The following SLC17A6 variants were observed in gnomAD, a reference collection of about 807,000 sequenced individuals.
SLC17A6 encodes solute carrier family 17 member 6, also known as vesicular glutamate transporter 2.
In SLC17A6, 35 loss-of-function variants were observed where a neutral mutation model predicts 67.1. That is an observed-to-expected ratio of 0.52 (90% CI 0.40 to 0.69). The LOEUF (loss-of-function observed/expected upper bound fraction) is 0.69, where lower values mean the gene tolerates loss of function less well. Ranked by LOEUF, SLC17A6 falls within the 30% of genes least tolerant of loss-of-function variation. The pLI is 0.00. For synonymous variants in SLC17A6, 285 were observed against 252.3 expected, an observed-to-expected ratio of 1.13 and a Z score of -1.23; for missense variants, 588 against 723.9, an observed-to-expected ratio of 0.81 and a Z score of 2.15.
intron 8 of SLC17A6, among the ~76,000 whole-genome samples, chr11:22,373,111 C>T (rs550980903): frequency 3.3e-5 from 5 of 152,284 alleles, no homozygotes; most frequent in African/African-American, 7.2e-5. Context: ...ATAACCATAG[C>T]TTTGTTCCTT....
intron 5 of SLC17A6, chr11:22,362,209 A>T (rs1856060303): frequency 1.3e-5 from 6 of 450,136 alleles, no homozygotes; most frequent in South Asian, 1.2e-4. Context: ...AAAACGTGAT[A>T]ACTTACCTTG....
Position 22,338,492 on chromosome 11 carries a change from A to T in SLC17A6, c.-42A>T, listed in dbSNP as rs1194837197. 1 of 1,378,042 alleles carries T rather than the reference A, an allele frequency of 7.3e-7. No homozygotes were observed. The highest frequency in any genetic ancestry group is 1.0e-6 in the Non-Finnish European group (1 of 968,896). 85.4% of individuals were successfully genotyped at this position (1,378,042 alleles called of 1,614,324 possible). A position where few individuals can be genotyped will look rare whatever the true frequency, so the allele number is the denominator to read the frequency against. On this transcript the variant is annotated 5_prime_UTR_variant, in exon 1 of 12. Coordinates refer to ENST00000263160, the MANE Select transcript of SLC17A6 (RefSeq NM_020346.3). ...GCAATCCTCGCCTTTCCTAGCAATC[A>T]CTATTTAAATCTGGCAAGAACTGAC...
At chr11:22,361,132 A>T in intron 5 of SLC17A6, 148 bp downstream of exon 5, 3 of 552,732 alleles carry the variant, frequency 5.4e-6, no homozygotes, top group Non-Finnish European at 9.6e-6. Context: ...CACCATTTCC[A>T]TTTCTTTAGT....
intron 3 of SLC17A6, among the ~76,000 whole-genome samples, chr11:22,344,256 C>G (rs150368510): frequency 9.2e-5 from 14 of 152,204 alleles, no homozygotes; most frequent in African/African-American, 3.4e-4. Flanking sequence ...CTTTATTGTA[C>G]CTAAAACTTC....
chr11:22,348,414 G>C (rs1855902098), intron 3 of SLC17A6, among the ~76,000 whole-genome samples: 1 of 152,090 alleles, frequency 6.6e-6, no homozygotes, highest in Non-Finnish European at 1.5e-5. Context: ...GTGTGTACTG[G>C]CTCCCAAGCT....
At chr11:22,376,921 T>TA (rs1330556178) in intron 11 of SLC17A6, among the ~76,000 whole-genome samples, 3 of 152,194 alleles carry the variant, frequency 2.0e-5, no homozygotes, top group Non-Finnish European at 4.4e-5. Flanking sequence ...CCTGATGTGA[T>TA]AAAAACCCCT....
chr11:22,362,856 A>C, intron 6 of SLC17A6, 31 bp downstream of exon 6: 1 of 1,552,262 alleles, frequency 6.4e-7, no homozygotes, highest in Non-Finnish European at 8.9e-7. Flanking sequence ...ATAGAGTTAA[A>C]GGAAATGTGC....
rs746093611 is a variant in SLC17A6 at position 22,341,630 on chromosome 11, G to A, written c.189G>A (p.Thr63=). 1.2e-6 allele frequency: 2 copies of A among 1,613,880 alleles called. No homozygotes were observed. Among genetic ancestry groups the A allele is most frequent in the African/African-American group, 1.3e-5 (1 of 74,956 alleles). The part of the protein sequence containing the change: ...PERKAPLCDC[T]CFGLPRRYII... The stretch of plus-strand genomic sequence containing the variant: ...GGAAGGCGCCGCTGTGCGACTGCAC[G>A]TGCTTCGGCCTGCCCCGCCGCTACA... Residue 63 remains threonine, a synonymous_variant, in exon 2 of 12, where the codon ACG becomes ACA. Transcript: ENST00000263160.
chr11:22,356,080 T>C (rs1855990290), intron 3 of SLC17A6, among the ~76,000 whole-genome samples: 1 of 152,218 alleles, frequency 6.6e-6, no homozygotes, highest in Non-Finnish European at 1.5e-5. Flanking sequence ...TGAGCTTTAC[T>C]ACTTGCTTTT....
intron 3 of SLC17A6, among the ~76,000 whole-genome samples, chr11:22,343,725 C>T (rs1048108212): frequency 6.6e-6 from 1 of 151,790 alleles, no homozygotes; most frequent in African/African-American, 2.4e-5. Flanking sequence ...TGTAGAACGG[C>T]AGATGCTGCG....
chr11:22,377,160 T>A (rs1856240657), intron 11 of SLC17A6, among the ~76,000 whole-genome samples: 1 of 152,210 alleles, frequency 6.6e-6, no homozygotes, highest in African/African-American at 2.4e-5. Flanking sequence ...ATGAATATTT[T>A]AAAAATCAGC....
chr11:22,338,456 A>G lies in SLC17A6; in HGVS notation c.-78A>G. 2.8e-6 allele frequency: 3 copies of G among 1,061,600 alleles called. No homozygotes were observed. The highest frequency in any genetic ancestry group is 4.3e-6 in the Non-Finnish European group (3 of 691,828). The allele number at this position is 1,061,600 out of a possible 1,614,324, so 65.8% of individuals were successfully genotyped here. A position where few individuals can be genotyped will look rare whatever the true frequency, so the allele number is the denominator to read the frequency against. ...AGCCCGCAACTACTTTAAGAGATTA[A>G]GACAATATGCGCAATCCTCGCCTTT... On this transcript the variant is annotated 5_prime_UTR_variant, in exon 1 of 12. Coordinates refer to ENST00000263160, the MANE Select transcript of SLC17A6 (RefSeq NM_020346.3).
intron 3 of SLC17A6, among the ~76,000 whole-genome samples, chr11:22,347,983 G>A (rs1222810796): frequency 6.6e-6 from 1 of 152,034 alleles, no homozygotes; most frequent in Non-Finnish European, 1.5e-5. Flanking sequence ...AGACACTTAG[G>A]ATCACACTTG....
At chr11:22,357,789 T>C (rs926861984) in intron 3 of SLC17A6, among the ~76,000 whole-genome samples, 5 of 152,190 alleles carry the variant, frequency 3.3e-5, no homozygotes, top group Admixed American at 6.5e-5. Flanking sequence ...TAAAAGTTTG[T>C]CCTCAAACCT....
chr11:22,366,863 G>C (rs563938409), intron 7 of SLC17A6, among the ~76,000 whole-genome samples: 2 of 151,820 alleles, frequency 1.3e-5, no homozygotes, highest in African/African-American at 4.8e-5. Context: ...AATATTACCC[G>C]GGCCTGGTGG....
At chr11:22,343,415 C>G (rs867460196) in intron 3 of SLC17A6, 50 bp downstream of exon 3, 4 of 1,485,590 alleles carry the variant, frequency 2.7e-6, no homozygotes, top group Middle Eastern at 1.9e-4. Context: ...TTGTTTCCTC[C>G]GAAGGGGCAG....
At chr11:22,338,649 G>A (rs1184862238) in intron 1 of SLC17A6, 30 bp downstream of exon 1, 10 of 1,533,874 alleles carry the variant, frequency 6.5e-6, no homozygotes, top group African/African-American at 1.4e-5. Flanking sequence ...TGCTTACCTG[G>A]GGCTCAGCAT....
chr11:22,350,358 T>C (rs1005928908), intron 3 of SLC17A6, among the ~76,000 whole-genome samples: 32 of 152,104 alleles, frequency 2.1e-4, no homozygotes, highest in African/African-American at 7.7e-4. Context: ...AGGGAAAGTG[T>C]ATGTGTGTGT....
At chr11:22,367,759 A>G (rs1856128878) in intron 7 of SLC17A6, among the ~76,000 whole-genome samples, 1 of 152,200 alleles carries the variant, frequency 6.6e-6, no homozygotes, top group South Asian at 2.1e-4. Flanking sequence ...ATGACCCCAG[A>G]AAGAACAGCA....
Sources: allele counts gnomAD v4.1 joint callset (sites outside exome capture counted in the v4.1 genomes callset), GRCh38; gene constraint gnomAD v4.1.1; transcripts MANE v1.5; gene names NCBI Gene and HGNC (gene_info 2026-07-23, HGNC 2026-07-21).